ST8SIA5: variants seen among roughly 807,000 people sequenced by gnomAD.
ST8SIA5 encodes the protein ST8 alpha-N-acetyl-neuraminide alpha-2,8-sialyltransferase 5.
Under a neutral mutation model 40.2 loss-of-function variants are expected in ST8SIA5, and 24 were observed. That is an observed-to-expected ratio of 0.60 (90% confidence interval 0.43 to 0.84). The LOEUF is 0.84. ST8SIA5 is among the 40% of genes least tolerant of loss of function. The pLI, the probability that ST8SIA5 is intolerant of heterozygous loss-of-function variation, is 0.00. For synonymous variants in ST8SIA5, 198 were observed against 201.8 expected (o/e 0.98, Z 0.16); for missense variants, 465 against 498.5 (o/e 0.93, Z 0.64).
At position 46,682,030 on chromosome 18, in the gene ST8SIA5, T is replaced by C. The variant is rs2039401905; in HGVS notation, c.604A>G (p.Met202Val). ...NLPPISEKYTMDVGVKTDVVT... is the reference protein window; with the variant it reads ...NLPPISEKYTVDVGVKTDVVT... ...ACATCCGTCTTCACCCCCACATCCA[T>C]GGTGTACTTCTCTGAGATGGGGGGC... The change falls in exon 6 of 7, where the codon ATG (methionine) becomes GTG (valine). Residue 202 changes from methionine (M) to valine (V), a missense_variant. Met to Val is a conservative substitution (Grantham distance 21). Coordinates refer to ENST00000315087, the MANE Select transcript of ST8SIA5 (RefSeq NM_013305.6). The C allele has an allele frequency of 1.9e-6, 3 of 1,612,008 alleles. No homozygotes were observed. The highest frequency in any genetic ancestry group is 2.2e-5 in the South Asian group (2 of 90,552).
chr18:46,680,603 G>A, intron 6 of ST8SIA5, 93 bp from the exon 7 acceptor site: 1 of 1,318,898 alleles, frequency 7.6e-7, no homozygotes, highest in Non-Finnish European at 1.0e-6. Flanking sequence ...CTTTGCAAAG[G>A]ACGGAAGGGA....
chr18:46,686,814 G>C (rs2097050401), intron 4 of ST8SIA5, among the ~76,000 whole-genome samples: 1 of 97,752 alleles, frequency 1.0e-5, no homozygotes, highest in Non-Finnish European at 2.0e-5. Flanking sequence ...ACCAGAGAAA[G>C]GCAAAAAAAA....
In ST8SIA5 at chr18:46,668,793, T is replaced by C. The variant is rs1403628958; in HGVS notation, c.*11249A>G. 2.0e-5 allele frequency: 3 copies of C among 151,994 alleles called. No individual in the cohort carries two copies. Among genetic ancestry groups the C allele is most frequent in the Admixed American group, 6.6e-5 (1 of 15,262 alleles). The allele number at this position is 151,994 out of a possible 1,614,324, so 9.4% of individuals were successfully genotyped here. A position where few individuals can be genotyped will look rare whatever the true frequency, so the allele number is the denominator to read the frequency against. On this transcript the variant is annotated 3_prime_UTR_variant, in exon 7 of 7. Transcript: ENST00000315087. ...GGGCACCAGCTGCCCCATAAAGTGA[T>C]CTTGAGCAGAGGGACTTGCCCAGAA... is the stretch of plus-strand genomic sequence containing the variant.
At chr18:46,703,537 A>C (rs1309816680) in intron 2 of ST8SIA5, among the ~76,000 whole-genome samples, 2 of 152,276 alleles carry the variant, frequency 1.3e-5, no homozygotes, top group South Asian at 2.1e-4. Flanking sequence ...CAAGGCCCAG[A>C]GTCAGCTTTA....
chr18:46,694,470 C>A (rs1410271293), intron 2 of ST8SIA5, among the ~76,000 whole-genome samples: 9 of 152,164 alleles, frequency 5.9e-5, no homozygotes, highest in African/African-American at 1.9e-4. Context: ...AAGGCAGCAC[C>A]ATGATTTCTC....
rs2144528469 is a variant in ST8SIA5, at chr18:46,721,253, G to C, written c.132-16589C>G. On this transcript the variant is annotated intron_variant, in intron 1 of 6. Transcript: ENST00000315087. The stretch of plus-strand genomic sequence containing the variant: ...AAGTGCAGGGAGTTTCGAGCCACCA[G>C]AACAAGACCTGCTTCTTCCACCCTA... 5.0e-6 allele frequency: 5 copies of C among 1,006,224 alleles called. No individual in the cohort carries two copies. In the South Asian group the frequency reaches 5.9e-5, roughly 12 times the overall value. The allele number at this position is 1,006,224 out of a possible 1,614,324, so 62.3% of individuals were successfully genotyped here.
rs569198853 is a variant in ST8SIA5, at chr18:46,749,444, A to G, written c.131+6934T>C. Among the ~76,000 whole-genome samples, 20 of 152,336 alleles carry G rather than the reference A, an allele frequency of 1.3e-4. No individual in the cohort carries two copies. The South Asian group carries it at 3.5e-3, about 27-fold the overall frequency. ...ATGTTCACTCCGACACTTTTATTGA[A>G]TATTATGTCAAAGGTCCTAGCCACT... On this transcript the variant is annotated intron_variant, in intron 1 of 6. Coordinates refer to ENST00000315087, the MANE Select transcript of ST8SIA5 (RefSeq NM_013305.6).
intron 1 of ST8SIA5, among the ~76,000 whole-genome samples, chr18:46,709,827 A>G (rs982625330): frequency 6.6e-6 from 1 of 152,202 alleles, no homozygotes; most frequent in Non-Finnish European, 1.5e-5. Context: ...CTGTGTTTTT[A>G]TAAGTTTTCT....
In ST8SIA5 at chr18:46,680,246, C is replaced by T. The variant is rs759408467; in HGVS notation, c.927G>A (p.Ala309=). ...ISTGLILVTA[A]LELCEEVHLF... ...GGTGCACCTCCTCACAGAGCTCCAG[C>T]GCCGCAGTGACCAGAATGAGGCCGG... Residue 309 remains alanine, a synonymous_variant, in exon 7 of 7, where the codon GCG becomes GCA. Transcript: ENST00000315087. 3.1e-6 allele frequency: 5 copies of T among 1,614,078 alleles called. No individual in the cohort carries two copies. In the African/African-American group the frequency reaches 5.3e-5, roughly 17 times the overall value.
intron 1 of ST8SIA5, among the ~76,000 whole-genome samples, chr18:46,752,753 C>G (rs577125030): frequency 1.1e-4 from 16 of 152,364 alleles, no homozygotes; most frequent in Non-Finnish European, 2.2e-4. Context: ...CCTGCCTTTG[C>G]TGTGTCCCTG....
intron 1 of ST8SIA5, among the ~76,000 whole-genome samples, chr18:46,732,160 G>A (rs1390117428): frequency 3.3e-5 from 5 of 152,370 alleles, no homozygotes; most frequent in Middle Eastern, 6.8e-3. Context: ...ACGACACGCT[G>A]TAGGCTGCAG....
At chr18:46,727,213 T>C (rs1299634856) in intron 1 of ST8SIA5, among the ~76,000 whole-genome samples, 1 of 152,274 alleles carries the variant, frequency 6.6e-6, no homozygotes, top group Admixed American at 6.5e-5. Flanking sequence ...GTTATGTGCC[T>C]GTTAAAATAA....
At position 46,669,503 on chromosome 18, in the gene ST8SIA5, T is replaced by A. The variant is rs1300622898; in HGVS notation, c.*10539A>T. The A allele has an allele frequency of 6.6e-6, 1 of 152,164 alleles. No individual in the cohort carries two copies. Among genetic ancestry groups the A allele is most frequent in the African/African-American group, 2.4e-5 (1 of 41,440 alleles). The allele number at this position is 152,164 out of a possible 1,614,324, so 9.4% of individuals were successfully genotyped here. A position where few individuals can be genotyped will look rare whatever the true frequency, so the allele number is the denominator to read the frequency against. On this transcript the variant is annotated 3_prime_UTR_variant, in exon 7 of 7. Transcript: ENST00000315087. ...TCACTTTCCCCCAGAAATGGTCATC[T>A]TTTTAAATTCACCAAAAAACACCCA...
intron 1 of ST8SIA5, among the ~76,000 whole-genome samples, chr18:46,709,704 A>G (rs2039703409): frequency 6.6e-6 from 1 of 152,278 alleles, no homozygotes; most frequent in African/African-American, 2.4e-5. Context: ...GATCTCCAAA[A>G]AGAATTATAT....
intron 1 of ST8SIA5, among the ~76,000 whole-genome samples, chr18:46,727,764 G>A (rs1209099346): frequency 3.3e-5 from 5 of 151,972 alleles, no homozygotes; most frequent in African/African-American, 9.7e-5. Context: ...CCGGCGTCAG[G>A]GCCCATGTTT....
At chr18:46,696,551 T>C (rs1306995759) in intron 2 of ST8SIA5, among the ~76,000 whole-genome samples, 2 of 152,216 alleles carry the variant, frequency 1.3e-5, no homozygotes, top group South Asian at 2.1e-4. Flanking sequence ...AATCTTGCAA[T>C]GTAACCTTGG....
chr18:46,756,515 T>A lies in ST8SIA5; in HGVS notation c.-7A>T. On this transcript the variant is annotated 5_prime_UTR_variant, in exon 1 of 7. Transcript: ENST00000315087. Reference sequence around the variant, plus strand: ...AGGGGTCCGCGTAGCGCATCCTGGCTACCGGGCGCCGCGGGCGCGGGGTAC... The same window carrying A: ...AGGGGTCCGCGTAGCGCATCCTGGCAACCGGGCGCCGCGGGCGCGGGGTAC... 1 of 1,611,722 alleles carries A rather than the reference T, an allele frequency of 6.2e-7. No individual in the cohort carries two copies. The highest frequency in any genetic ancestry group is 8.5e-7 in the Non-Finnish European group (1 of 1,178,620).
intron 2 of ST8SIA5, among the ~76,000 whole-genome samples, chr18:46,703,708 C>G (rs2039640953): frequency 6.6e-6 from 1 of 152,136 alleles, no homozygotes; most frequent in Admixed American, 6.5e-5. Flanking sequence ...ATCTGAGCAC[C>G]CAACATTGCC....
At chr18:46,686,058 G>T (rs1780665568) in intron 5 of ST8SIA5, 116 bp downstream of exon 5, 3 of 946,850 alleles carry the variant, frequency 3.2e-6, no homozygotes, top group African/African-American at 3.2e-5. Context: ...CTGAGGGTCT[G>T]CAGGGGTGGG....
Sources: allele counts gnomAD v4.1 joint callset (sites outside exome capture counted in the v4.1 genomes callset), GRCh38; gene constraint gnomAD v4.1.1; transcripts MANE v1.5; gene names NCBI Gene and HGNC (gene_info 2026-07-23, HGNC 2026-07-21).